The following EML6 variants were observed in gnomAD, a reference collection of about 807,000 sequenced individuals.
The protein encoded by EML6 is EMAP like 6.
In EML6, 154 loss-of-function variants were observed where a neutral mutation model predicts 240.1. The observed-to-expected ratio is 0.64, with a 90% CI of 0.56 to 0.73. EML6 has a LOEUF of 0.73. Ranked by LOEUF, EML6 falls within the 30% of genes least tolerant of loss-of-function variation. EML6 has a pLI of 0.00. For missense variants in EML6, 2,964 were observed against 2,474.6 expected (o/e 1.20, Z -4.20); for synonymous variants, 1,148 against 899.0 (o/e 1.28, Z -4.95).
Position 54,744,690 on chromosome 2 carries a change from T to C in EML6, c.197+19432T>C, listed in dbSNP as rs544894330. Among the ~76,000 whole-genome samples, 11 of 151,458 alleles carry C rather than the reference T, an allele frequency of 7.3e-5. 1 individual carries two copies. The highest frequency in any genetic ancestry group is 2.7e-4 in the African/African-American group (11 of 41,260). ...AGATGACTAGGAAGTTGTGGGTCAGTTAGGGGAGAGAGGGACCGAGGAGGA... is the reference window on the plus strand; with the variant it reads ...AGATGACTAGGAAGTTGTGGGTCAGCTAGGGGAGAGAGGGACCGAGGAGGA... On this transcript the variant is annotated intron_variant, in intron 2 of 41. Coordinates refer to ENST00000356458, the MANE Select transcript of EML6 (RefSeq NM_001039753.4).
intron 2 of EML6, among the ~76,000 whole-genome samples, chr2:54,804,747 A>G (rs907449322): frequency 6.6e-6 from 1 of 152,198 alleles, no homozygotes; most frequent in East Asian, 1.9e-4. Flanking sequence ...TCTGCAATCT[A>G]CTTTTCAAAG....
At chr2:54,905,174 C>T (rs188458608) in intron 24 of EML6, among the ~76,000 whole-genome samples, 5 of 152,030 alleles carry the variant, frequency 3.3e-5, no homozygotes, top group African/African-American at 1.2e-4. Flanking sequence ...TATCTAGGAA[C>T]TGGTGAGGCC....
At chr2:54,906,001 T>C (rs566218066) in intron 24 of EML6, among the ~76,000 whole-genome samples, 1 of 152,240 alleles carries the variant, frequency 6.6e-6, no homozygotes, top group Admixed American at 6.5e-5. Flanking sequence ...TGTACAAATA[T>C]ATCTTCAAAA....
intron 21 of EML6, among the ~76,000 whole-genome samples, chr2:54,897,001 C>G (rs1046135363): frequency 6.6e-6 from 1 of 152,196 alleles, no homozygotes; most frequent in African/African-American, 2.4e-5. Flanking sequence ...TCTTTGTTCT[C>G]CAGCTGTTCT....
chr2:54,813,139 G>T, intron 2 of EML6, 93 bp from the exon 3 acceptor site: 5 of 887,472 alleles, frequency 5.6e-6, no homozygotes, highest in Non-Finnish European at 8.6e-6. Context: ...AGATCACCTT[G>T]TTAGATAATT....
chr2:54,891,152 C>A lies in EML6; in HGVS notation c.2537C>A (p.Ala846Glu). ...AAACACATCAAATTCTGGCAACAAGCAGGTACTGTCGTTTGGGTTTATCAT... is the reference window on the plus strand; with the variant it reads ...AAACACATCAAATTCTGGCAACAAGAAGGTACTGTCGTTTGGGTTTATCAT... ...GIKHIKFWQQ[A>E]GGGFTSKRGT... The change falls in exon 18 of 42, where the codon GCA (alanine) becomes GAA (glutamate). Residue 846 changes from alanine to glutamate, a missense_variant and splice_region_variant. Transcript: ENST00000356458. 6.9e-7 allele frequency: 1 copy of A among 1,447,332 alleles called. No individual in the cohort carries two copies. The highest frequency in any genetic ancestry group is 9.4e-7 in the Non-Finnish European group (1 of 1,067,416). The allele number at this position is 1,447,332 out of a possible 1,614,324, so 89.7% of individuals were successfully genotyped here. A position where few individuals can be genotyped will look rare whatever the true frequency, so the allele number is the denominator to read the frequency against.
In EML6 at chr2:54,725,053, C is replaced by G; in HGVS notation, c.-9C>G. 1 of 1,503,918 alleles carries G rather than the reference C, an allele frequency of 6.6e-7. No individual in the cohort carries two copies. Among genetic ancestry groups the G allele is most frequent in the Non-Finnish European group, 8.9e-7 (1 of 1,127,240 alleles). The allele number at this position is 1,503,918 out of a possible 1,614,324, so 93.2% of individuals were successfully genotyped here. On this transcript the variant is annotated 5_prime_UTR_variant, in exon 2 of 42. Coordinates refer to ENST00000356458, the MANE Select transcript of EML6 (RefSeq NM_001039753.4). This position sits in a 1 kb window ranked among gnomAD's most constrained non-coding sequence, Gnocchi z 4.3. The stretch of plus-strand genomic sequence containing the variant: ...CGGGGGGGCGGGGGGCGCGCGGGGT[C>G]GGCTTATCATGGCGGATCGGACGGC...
At chr2:54,859,726 C>A in intron 12 of EML6, 25 bp downstream of exon 12, 1 of 1,511,088 alleles carries the variant, frequency 6.6e-7, no homozygotes, top group South Asian at 1.3e-5. Flanking sequence ...AATTTCTTAA[C>A]ATCATTTTAT....
At position 54,853,670 on chromosome 2, in the gene EML6, A is replaced by G. The variant is rs182507400; in HGVS notation, c.1472A>G (p.Glu491Gly). The G allele has an allele frequency of 2.3e-5, 36 of 1,547,966 alleles. No individual in the cohort carries two copies. In the East Asian group the frequency reaches 8.8e-4, roughly 38 times the overall value. The change falls in exon 11 of 42, where the codon GAA becomes GGA. Residue 491 changes from glutamate (E) to glycine (G), a missense_variant. Glu to Gly is a moderately conservative substitution (Grantham distance 98). Coordinates refer to ENST00000356458, the MANE Select transcript of EML6 (RefSeq NM_001039753.4). Reference protein sequence around the residue: ...PSGKPLTSKEEIKGIPWASWT... With the variant: ...PSGKPLTSKEGIKGIPWASWT... Reference sequence around the variant, plus strand: ...GGGAAGCCTTTAACAAGTAAAGAAGAAATTAAAGGGATTCCTTGGGCCTCC... The same window carrying G: ...GGGAAGCCTTTAACAAGTAAAGAAGGAATTAAAGGGATTCCTTGGGCCTCC...
At chr2:54,747,709 G>A (rs1356495042) in intron 2 of EML6, among the ~76,000 whole-genome samples, 4 of 151,870 alleles carry the variant, frequency 2.6e-5, no homozygotes, top group African/African-American at 9.7e-5. Flanking sequence ...TATTTTATTT[G>A]GGCCCTAAGC....
At chr2:54,775,557 T>C (rs570264631) in intron 2 of EML6, among the ~76,000 whole-genome samples, 208 of 152,360 alleles carry the variant, frequency 1.4e-3, no homozygotes, top group Non-Finnish European at 2.3e-3. Flanking sequence ...TCTCTCACCC[T>C]ATTTTATTTT....
rs1672534729 is a variant in EML6, at chr2:54,892,645, G to A, written c.2731G>A (p.Ala911Thr). 3.2e-6 allele frequency: 5 copies of A among 1,550,958 alleles called. No individual in the cohort carries two copies. The East Asian group carries it at 1.2e-4, about 38-fold the overall frequency. Residue 911 changes from alanine to threonine, a missense_variant, in exon 19 of 42, where the codon GCA (alanine) becomes ACA (threonine). Ala to Thr is a moderately conservative substitution (Grantham distance 58). Coordinates refer to ENST00000356458, the MANE Select transcript of EML6 (RefSeq NM_001039753.4). Reference sequence around the variant, plus strand: ...TGATGGGCCTGTGTTTGCTATGTATGCACTGGATAAGGTATGGCCTGTGTA... The same window carrying A: ...TGATGGGCCTGTGTTTGCTATGTATACACTGGATAAGGTATGGCCTGTGTA... ...AHDGPVFAMY[A>T]LDKGFVTGGK...
At chr2:54,775,517 A>G (rs1172850039) in intron 2 of EML6, among the ~76,000 whole-genome samples, 2 of 152,194 alleles carry the variant, frequency 1.3e-5, no homozygotes, top group Non-Finnish European at 2.9e-5. Context: ...ACCTCTTTAT[A>G]TAAAATTGCA....
intron 2 of EML6, among the ~76,000 whole-genome samples, chr2:54,801,046 T>A (rs1345856665): frequency 6.6e-6 from 1 of 152,062 alleles, no homozygotes; most frequent in Non-Finnish European, 1.5e-5. Flanking sequence ...TGAGGCCGGG[T>A]GCAGTGGCTC....
Position 54,725,209 on chromosome 2 carries a change from C to G in EML6, c.148C>G (p.Arg50Gly). The G allele has an allele frequency of 6.7e-7, 1 of 1,502,588 alleles. No homozygotes were observed. The highest frequency in any genetic ancestry group is 8.9e-7 in the Non-Finnish European group (1 of 1,122,004). 93.1% of individuals were successfully genotyped at this position (1,502,588 alleles called of 1,614,324 possible). A position where few individuals can be genotyped will look rare whatever the true frequency, so the allele number is the denominator to read the frequency against. The change falls in exon 2 of 42, where the codon CGC (arginine) becomes GGC (glycine). Residue 50 changes from arginine (R) to glycine (G), a missense_variant. Arg to Gly is a moderately radical substitution (Grantham distance 125, BLOSUM62 -2). Transcript: ENST00000356458. The surrounding 1 kb of genome is among the most constrained non-coding windows in gnomAD (Gnocchi z 4.3). ...TGGGGTCGGGGTGGTTTACAACACCCGCGAGCACAGCCAAAAATTCTTCCT... is the reference window on the plus strand; with the variant it reads ...TGGGGTCGGGGTGGTTTACAACACCGGCGAGCACAGCCAAAAATTCTTCCT... Reference protein sequence around the residue: ...VAGVGVVYNTREHSQKFFLGH... With the variant: ...VAGVGVVYNTGEHSQKFFLGH...
At position 54,895,020 on chromosome 2, in the gene EML6, T is replaced by G. The variant is rs986683928; in HGVS notation, c.2848T>G (p.Ser950Ala). ...AIKRSALSTS[S>A]KGLLLEDNPS... ...TAAAAGATCAGCATTGTCGACTAGC[T>G]CAAAAGGTGCCACTCCCAAACATGT... The change falls in exon 20 of 42, where the codon TCA (serine) becomes GCA (alanine). Residue 950 changes from serine (S) to alanine (A), a missense_variant. Coordinates refer to ENST00000356458, the MANE Select transcript of EML6 (RefSeq NM_001039753.4). The G allele has an allele frequency of 1.3e-6, 2 of 1,547,868 alleles. No individual in the cohort carries two copies. Among genetic ancestry groups the G allele is most frequent in the African/African-American group, 2.7e-5 (2 of 72,958 alleles).
intron 2 of EML6, among the ~76,000 whole-genome samples, chr2:54,738,369 G>A (rs1004060026): frequency 1.3e-5 from 2 of 152,180 alleles, no homozygotes; most frequent in Admixed American, 6.5e-5. Flanking sequence ...AGGCTATGAA[G>A]CCTATAGACA....
chr2:54,802,531 A>G (rs1006719000), intron 2 of EML6, among the ~76,000 whole-genome samples: 22 of 151,838 alleles, frequency 1.4e-4, no homozygotes, highest in Admixed American at 6.6e-5. Flanking sequence ...AGAGGCTGAG[A>G]TGGGAGGATC....
At chr2:54,905,396 C>T (rs1022962389) in intron 24 of EML6, among the ~76,000 whole-genome samples, 1 of 145,310 alleles carries the variant, frequency 6.9e-6, no homozygotes, top group African/African-American at 2.6e-5. Context: ...TGATACAATA[C>T]GTGAAATCCC....
Sources: gnomAD v4.1 joint callset for allele counts (sites outside exome capture counted in the v4.1 genomes callset) on GRCh38, gnomAD v4.1.1 for gene constraint, Gnocchi (gnomAD v3.1) non-coding constraint, MANE v1.5 for transcripts, NCBI Gene and HGNC (gene_info 2026-07-23, HGNC 2026-07-21) for gene names.